The following ADAMTS19 variants were observed in gnomAD, a reference collection of about 807,000 sequenced individuals.
ADAMTS19 encodes the protein ADAM metallopeptidase with thrombospondin type 1 motif 19.
ADAMTS19 carries 93 observed loss-of-function variants against 153.3 expected under a neutral mutation model. The observed-to-expected ratio is 0.61, with a 90% CI of 0.51 to 0.72. The LOEUF is 0.72. Ranked by LOEUF, ADAMTS19 falls within the 30% of genes least tolerant of loss-of-function variation. The pLI is 0.00. For missense variants in ADAMTS19, 1,482 were observed against 1,552.1 expected (o/e 0.95, Z 0.76); for synonymous variants, 600 against 556.6 (o/e 1.08, Z -1.10).
chr5:129,548,449 A>G (rs2126814079), intron 6 of ADAMTS19, among the ~76,000 whole-genome samples: 1 of 152,276 alleles, frequency 6.6e-6, no homozygotes, highest in South Asian at 2.1e-4. Context: ...TGGCCATCAG[A>G]CAAATGCAAA....
chr5:129,728,334 T>C (rs1757292714), intron 21 of ADAMTS19, among the ~76,000 whole-genome samples: 2 of 152,170 alleles, frequency 1.3e-5, no homozygotes, highest in African/African-American at 4.8e-5. Context: ...GCTCTGCCTA[T>C]GGTGTAGCCC....
At chr5:129,658,350 AAAGAAAGAAAGAAAG>A (rs1396526110) in intron 14 of ADAMTS19, among the ~76,000 whole-genome samples, 18 of 150,152 alleles carry the variant, frequency 1.2e-4, no homozygotes, top group Non-Finnish European at 2.4e-4. Flanking sequence ...AGAAAGAAAG[AAAGAAAGAAAGAAAG>A]AAAGAGAGAG....
At chr5:129,465,366 T>G (rs564564218) in intron 2 of ADAMTS19, among the ~76,000 whole-genome samples, 109 of 144,632 alleles carry the variant, frequency 7.5e-4, no homozygotes, top group Admixed American at 1.8e-3. Context: ...TAAGCTATAT[T>G]AGTATATACC....
chr5:129,525,506 A>G (rs913610953), intron 3 of ADAMTS19, among the ~76,000 whole-genome samples: 25 of 152,192 alleles, frequency 1.6e-4, no homozygotes, highest in African/African-American at 5.5e-4. Flanking sequence ...TCATTGATTT[A>G]GAATAGCTCT....
At chr5:129,555,410 A>T (rs961213062) in intron 7 of ADAMTS19, among the ~76,000 whole-genome samples, 2 of 152,108 alleles carry the variant, frequency 1.3e-5, no homozygotes, top group Admixed American at 6.6e-5. Flanking sequence ...TGAACTCCCT[A>T]GTTTTGTTAT....
At chr5:129,618,522 CAT>C (rs1165266309) in intron 8 of ADAMTS19, among the ~76,000 whole-genome samples, 2 of 151,976 alleles carry the variant, frequency 1.3e-5, no homozygotes, top group South Asian at 2.1e-4. Flanking sequence ...CCTTCAAAAA[CAT>C]ATTTAATTTT....
chr5:129,664,562 T>G (rs1014435278), intron 15 of ADAMTS19, among the ~76,000 whole-genome samples: 2 of 152,096 alleles, frequency 1.3e-5, no homozygotes, highest in Non-Finnish European at 2.9e-5. Flanking sequence ...ATATGCTACC[T>G]TTTGGTATAC....
intron 7 of ADAMTS19, among the ~76,000 whole-genome samples, chr5:129,588,429 T>C (rs1260475588): frequency 2.6e-5 from 4 of 152,214 alleles, no homozygotes; most frequent in Non-Finnish European, 5.9e-5. Context: ...ATTGTTAAAG[T>C]CTGTGTGTGT....
intron 6 of ADAMTS19, among the ~76,000 whole-genome samples, chr5:129,538,076 T>G (rs1397786601): frequency 6.6e-6 from 1 of 152,086 alleles, no homozygotes; most frequent in Non-Finnish European, 1.5e-5. Flanking sequence ...AAGTCTTTCT[T>G]CCTTCTTAAC....
intron 6 of ADAMTS19, among the ~76,000 whole-genome samples, chr5:129,531,266 G>T (rs1213735732): frequency 6.6e-6 from 1 of 152,096 alleles, no homozygotes; most frequent in African/African-American, 2.4e-5. Context: ...AAATTGACAA[G>T]CTGACTCCAG....
In ADAMTS19 at chr5:129,721,692, A is replaced by G. The variant is rs73233700; in HGVS notation, c.3313-13240A>G. Among the ~76,000 whole-genome samples, 1,171 of 152,090 alleles carry G rather than the reference A, an allele frequency of 7.7e-3. 17 individuals are homozygous for G. The highest frequency in any genetic ancestry group is 0.026 in the African/African-American group (1,067 of 41,478). On this transcript the variant is annotated intron_variant, in intron 21 of 22. Coordinates refer to ENST00000274487, the MANE Select transcript of ADAMTS19 (RefSeq NM_133638.6). ...CCATGGTGGTTTGCTGTACCTTTCA[A>G]CCTGTCACCTAGACATTAAGCCCTG...
chr5:129,688,500 G>A (rs1418065436), intron 18 of ADAMTS19, among the ~76,000 whole-genome samples: 4 of 151,974 alleles, frequency 2.6e-5, no homozygotes, highest in African/African-American at 7.3e-5. Flanking sequence ...CTCAAACTAA[G>A]TTTTAAAATG....
chr5:129,665,939 T>C (rs1754034439), intron 16 of ADAMTS19, among the ~76,000 whole-genome samples: 1 of 148,678 alleles, frequency 6.7e-6, no homozygotes, highest in Non-Finnish European at 1.5e-5. Context: ...TATACATACA[T>C]TCATATATAC....
chr5:129,647,095 T>TACCAA (rs1253900821), intron 11 of ADAMTS19, among the ~76,000 whole-genome samples: 2 of 151,442 alleles, frequency 1.3e-5, no homozygotes, highest in African/African-American at 2.4e-5. Context: ...AGTTAATAGA[T>TACCAA]ACCAAGTAAA....
At chr5:129,710,061 A>G (rs1756369471) in intron 21 of ADAMTS19, among the ~76,000 whole-genome samples, 1 of 151,882 alleles carries the variant, frequency 6.6e-6, no homozygotes, top group African/African-American at 2.4e-5. Flanking sequence ...TTGCCGCACT[A>G]TCAGCCCATC....
intron 7 of ADAMTS19, among the ~76,000 whole-genome samples, chr5:129,558,619 G>A (rs974402125): frequency 2.0e-5 from 3 of 152,042 alleles, no homozygotes; most frequent in East Asian, 1.9e-4. Context: ...AAATTCTAAC[G>A]AGAGTTTTGA....
chr5:129,586,094 C>A (rs1749780900), intron 7 of ADAMTS19, among the ~76,000 whole-genome samples: 1 of 152,152 alleles, frequency 6.6e-6, no homozygotes, highest in Non-Finnish European at 1.5e-5. Context: ...CCTGTCCACA[C>A]ATATGCATAG....
At chr5:129,674,508 C>A (rs1754467894) in intron 16 of ADAMTS19, among the ~76,000 whole-genome samples, 1 of 152,144 alleles carries the variant, frequency 6.6e-6, no homozygotes, top group Admixed American at 6.5e-5. Context: ...ACTGAGTACA[C>A]TTTTTACTAT....
chr5:129,619,948 A>G (rs1751701383), intron 8 of ADAMTS19, among the ~76,000 whole-genome samples: 1 of 152,040 alleles, frequency 6.6e-6, no homozygotes, highest in South Asian at 2.1e-4. Context: ...GAGCAAGAGA[A>G]AAATAGAATA....
Sources: gnomAD v4.1 joint callset for allele counts (sites outside exome capture counted in the v4.1 genomes callset) on GRCh38, gnomAD v4.1.1 for gene constraint, MANE v1.5 for transcripts, NCBI Gene and HGNC (gene_info 2026-07-23, HGNC 2026-07-21) for gene names.